Variants in NEK11 observed in about 807,000 individuals in gnomAD.
The protein encoded by NEK11 is NIMA related kinase 11.
A neutral mutation model predicts 80.7 loss-of-function variants in NEK11; 72 were observed. The observed-to-expected ratio is 0.89, with a 90% CI of 0.74 to 1.08. The LOEUF (loss-of-function observed/expected upper bound fraction) is 1.08, where lower values mean the gene tolerates loss of function less well. Ranked by LOEUF, NEK11 falls within the 50% of genes least tolerant of loss-of-function variation. The probability of loss-of-function intolerance (pLI) is 0.00; values close to 1 mark genes in which losing one functional copy is unlikely to be tolerated. For missense variants in NEK11, 764 were observed against 763.6 expected (o/e 1.00, Z -0.01); for synonymous variants, 251 against 260.7 (o/e 0.96, Z 0.36).
In NEK11 at chr3:131,080,465, T is replaced by C. The variant is rs1355576386; in HGVS notation, c.213T>C (p.Asn71=). 1 of 1,612,696 alleles carries C rather than the reference T, an allele frequency of 6.2e-7. No individual in the cohort carries two copies. The highest frequency in any genetic ancestry group is 8.5e-7 in the Non-Finnish European group (1 of 1,179,650). The change falls in exon 4 of 18, where the codon AAT becomes AAC. Residue 71 remains asparagine (N), a synonymous_variant. Coordinates refer to ENST00000383366, the MANE Select transcript of NEK11 (RefSeq NM_024800.5). ...KEISVGELNP[N]ETVQANLEAQ... ...TATCTGTTGGAGAACTAAATCCAAA[T>C]GAAACTGTACAGGCCAATTTGGAAG...
At chr3:131,139,998 G>A (rs2086528018) in intron 7 of NEK11, among the ~76,000 whole-genome samples, 1 of 152,174 alleles carries the variant, frequency 6.6e-6, no homozygotes, top group Non-Finnish European at 1.5e-5. Flanking sequence ...ATGATCCATA[G>A]GGGCATGTGG....
At chr3:131,168,529 T>C (rs1579464982) in intron 12 of NEK11, among the ~76,000 whole-genome samples, 2 of 151,266 alleles carry the variant, frequency 1.3e-5, no homozygotes, top group Non-Finnish European at 2.9e-5. Flanking sequence ...GCTAATTTTT[T>C]GTATTTTTAG....
intron 17 of NEK11, among the ~76,000 whole-genome samples, chr3:131,314,608 G>T (rs1272523099): frequency 6.6e-6 from 1 of 152,170 alleles, no homozygotes; most frequent in Non-Finnish European, 1.5e-5. Context: ...TCACAAGGTG[G>T]CATACAGAAG....
At chr3:131,322,242 G>T (rs1331380755) in intron 17 of NEK11, among the ~76,000 whole-genome samples, 1 of 152,182 alleles carries the variant, frequency 6.6e-6, no homozygotes, top group Non-Finnish European at 1.5e-5. Context: ...TGTAGGAACA[G>T]AAACCAGATA....
chr3:131,274,161 A>G (rs907915909), intron 17 of NEK11, among the ~76,000 whole-genome samples: 14 of 129,700 alleles, frequency 1.1e-4, no homozygotes, highest in Non-Finnish European at 1.9e-4. Context: ...TCCTGTGTCC[A>G]TGTGATCTCA....
chr3:131,230,352 G>A (rs534578894), intron 15 of NEK11, among the ~76,000 whole-genome samples: 3 of 152,238 alleles, frequency 2.0e-5, no homozygotes, highest in African/African-American at 7.2e-5. Flanking sequence ...GCGTGACCTT[G>A]TTCAAATTAC....
rs556084014 is a variant in NEK11, at chr3:131,226,541, G to T, written c.1400-1987G>T. ...TGTCTTTTGCAGCAACCTGGATGGA[G>T]CTGGAGGCCATTATTCTAAGTGAAG... On this transcript the variant is annotated intron_variant, in intron 14 of 17. Transcript: ENST00000383366. Among the ~76,000 whole-genome samples the T allele has an allele frequency of 9.2e-5, 14 of 152,246 alleles. No homozygotes were observed. The South Asian group carries it at 2.7e-3, about 29-fold the overall frequency.
At position 131,335,149 on chromosome 3, in the gene NEK11, T is replaced by G. The variant is rs367787652; in HGVS notation, c.1719-14408T>G. ...CCAGCATCATCCTGATACCAAAGCC[T>G]GGCAGAGACACAACCAAAAAAGAGA... is the stretch of plus-strand genomic sequence containing the variant. On this transcript the variant is annotated intron_variant, in intron 17 of 17. Transcript: ENST00000383366. Among the ~76,000 whole-genome samples, 465 of 152,310 alleles carry G rather than the reference T, an allele frequency of 3.1e-3. 5 individuals carry two copies. Among genetic ancestry groups the G allele is most frequent in the African/African-American group, 0.011 (454 of 41,570 alleles).
At chr3:131,130,572 T>C (rs2084247398) in intron 5 of NEK11, among the ~76,000 whole-genome samples, 1 of 152,186 alleles carries the variant, frequency 6.6e-6, no homozygotes, top group African/African-American at 2.4e-5. Flanking sequence ...AGCTGTAGGT[T>C]TGTTATAAAT....
chr3:131,301,964 A>G (rs1041590928), intron 17 of NEK11, among the ~76,000 whole-genome samples: 26 of 152,130 alleles, frequency 1.7e-4, no homozygotes, highest in Non-Finnish European at 3.2e-4. Context: ...GGAAGAATTC[A>G]GCTGTGAATC....
intron 17 of NEK11, among the ~76,000 whole-genome samples, chr3:131,276,949 T>A (rs1016636439): frequency 6.6e-6 from 1 of 152,212 alleles, no homozygotes; most frequent in African/African-American, 2.4e-5. Flanking sequence ...AATGGTTCCT[T>A]AGTCATTCTT....
At chr3:131,051,106 T>C (rs2110018986) in intron 3 of NEK11, among the ~76,000 whole-genome samples, 1 of 152,358 alleles carries the variant, frequency 6.6e-6, no homozygotes, top group East Asian at 1.9e-4. Context: ...ATTGTTTAGC[T>C]TAAGCCAGAC....
Position 131,182,634 on chromosome 3 carries a change from C to T in NEK11, c.1399+11747C>T, listed in dbSNP as rs541432647. ...TCATTTGTCTGAATTTTTTTTCTGG[C>T]CAAGGCTCGTTTAAATTATTAATGG... On this transcript the variant is annotated intron_variant, in intron 14 of 17. Transcript: ENST00000383366. Among the ~76,000 whole-genome samples the T allele has an allele frequency of 3.3e-5, 5 of 152,088 alleles. No homozygotes were observed. In the South Asian group the frequency reaches 6.2e-4, roughly 19 times the overall value.
intron 3 of NEK11, among the ~76,000 whole-genome samples, chr3:131,046,820 C>T (rs1035893991): frequency 7.9e-5 from 12 of 152,104 alleles, no homozygotes; most frequent in Non-Finnish European, 1.5e-4. Context: ...TTGAGCTTCT[C>T]GTATTTGGAT....
At chr3:131,149,841 T>A (rs561056799) in intron 7 of NEK11, among the ~76,000 whole-genome samples, 11 of 152,140 alleles carry the variant, frequency 7.2e-5, no homozygotes, top group Admixed American at 1.3e-4. Context: ...TTCTATTTCA[T>A]TAATTTCTTC....
intron 15 of NEK11, among the ~76,000 whole-genome samples, chr3:131,243,088 A>T (rs1434631632): frequency 6.6e-6 from 1 of 152,154 alleles, no homozygotes; most frequent in Non-Finnish European, 1.5e-5. Flanking sequence ...AGCATTTACT[A>T]TGTTTATAGA....
chr3:131,270,111 A>C (rs1199041262), intron 16 of NEK11, among the ~76,000 whole-genome samples: 1 of 152,080 alleles, frequency 6.6e-6, no homozygotes, highest in Non-Finnish European at 1.5e-5. Context: ...AAGTGTCTAC[A>C]CTCCCCTGCA....
chr3:131,142,399 T>A (rs910514107), intron 7 of NEK11, among the ~76,000 whole-genome samples: 1 of 151,578 alleles, frequency 6.6e-6, no homozygotes, highest in African/African-American at 2.4e-5. Context: ...TCTATTAACC[T>A]GGCACATTCT....
intron 15 of NEK11, among the ~76,000 whole-genome samples, chr3:131,238,929 A>G (rs2095478405): frequency 1.3e-5 from 2 of 152,152 alleles, no homozygotes; most frequent in Non-Finnish European, 1.5e-5. Context: ...AAAATAATGC[A>G]TCATTAATAA....
Sources: gnomAD v4.1 joint callset for allele counts (sites outside exome capture counted in the v4.1 genomes callset) on GRCh38, gnomAD v4.1.1 for gene constraint, MANE v1.5 for transcripts, NCBI Gene and HGNC (gene_info 2026-07-23, HGNC 2026-07-21) for gene names.